The following CFAP65 variants were observed in gnomAD, a reference collection of about 807,000 sequenced individuals.
CFAP65 encodes cilia and flagella associated protein 65, also known as cilia- and flagella-associated protein 65.
CFAP65 carries 155 observed loss-of-function variants against 208.0 expected under a neutral mutation model. The ratio of observed to expected loss-of-function variants is 0.75; its 90% CI spans 0.65 to 0.85. The LOEUF is 0.85. Among genes scored for constraint, CFAP65 ranks in the 40% least tolerant of loss-of-function variants. CFAP65 has a pLI of 0.00. For synonymous variants in CFAP65, 970 were observed against 986.3 expected, an observed-to-expected ratio of 0.98 and a Z score of 0.31; for missense variants, 2,294 against 2,451.3, an observed-to-expected ratio of 0.94 and a Z score of 1.36.
intron 5 of CFAP65, chr2:219,035,007 C>T (rs1948264462): frequency 3.9e-6 from 1 of 258,740 alleles, no homozygotes. Context: ...AATTCTACTC[C>T]TGCGTCTATT....
chr2:219,022,067 C>G (rs1367371449), intron 17 of CFAP65, 104 bp downstream of exon 17: 3 of 1,508,142 alleles, frequency 2.0e-6, no homozygotes, highest in Non-Finnish European at 2.7e-6. Context: ...CTATCCTCTG[C>G]CCTCTTGGCC....
rs774646265 is a variant in CFAP65, at chr2:219,022,172, G to C, written c.2978C>G (p.Ser993Cys). ...LVGVGLTSSLSAKEKELAFGN... is the reference protein window; with the variant it reads ...LVGVGLTSSLCAKEKELAFGN... The stretch of plus-strand genomic sequence containing the variant: ...TCCTGCCAGAGCCCTCCCACTCACA[G>C]AGAGGCTGCTGGTGAGCCCAACGCC... The change falls in exon 17 of 35, where the codon TCT becomes TGT. Residue 993 changes from serine to cysteine, a missense_variant and splice_region_variant. This residue lies in a region of CFAP65 where 1,427 missense variants were observed against 1,438.7 expected (regional missense o/e 0.99). Coordinates refer to ENST00000341552, the MANE Select transcript of CFAP65 (RefSeq NM_194302.4). 2 of 1,589,462 alleles carry C rather than the reference G, an allele frequency of 1.3e-6. No homozygotes were observed. Among genetic ancestry groups the C allele is most frequent in the African/African-American group, 2.7e-5 (2 of 74,628 alleles).
rs140310053 is a variant in CFAP65, at chr2:219,038,477, G to A, written c.255C>T (p.Thr85=). Residue 85 remains threonine (T), a synonymous_variant, in exon 4 of 35, where the codon ACC becomes ACT. Transcript: ENST00000341552. The stretch of plus-strand genomic sequence containing the variant: ...TCAGGCAGGATCCACCAGAGTTCAC[G>A]GTGTGGTTCCTGCTGTTCCTGGACC... ...VVRSRNSRNH[T]VNSGGSCLSA... is the part of the protein sequence containing the mutation. 6 of 1,614,004 alleles carry A rather than the reference G, an allele frequency of 3.7e-6. No homozygotes were observed. The highest frequency in any genetic ancestry group is 1.1e-5 in the South Asian group (1 of 91,082).
At chr2:219,029,158 T>G (rs868153606) in intron 11 of CFAP65, among the ~76,000 whole-genome samples, 6 of 152,302 alleles carry the variant, frequency 3.9e-5, no homozygotes, top group Middle Eastern at 3.4e-3. Flanking sequence ...TCCCAGCCCA[T>G]GAGCACAGCA....
Position 219,032,995 on chromosome 2 carries a change from G to T in CFAP65, c.543-423C>A, listed in dbSNP as rs1948146704. 6.6e-6 allele frequency among the ~76,000 whole-genome samples: 1 copy of T among 152,148 alleles called. No individual in the cohort carries two copies. Among genetic ancestry groups the T allele is most frequent in the South Asian group, 2.1e-4 (1 of 4,832 alleles). On this transcript the variant is annotated intron_variant, in intron 5 of 34. Coordinates refer to ENST00000341552, the MANE Select transcript of CFAP65 (RefSeq NM_194302.4). The surrounding 1 kb of genome is among the most constrained non-coding windows in gnomAD (Gnocchi z 5.5). The stretch of plus-strand genomic sequence containing the variant: ...ACAGTGGGTCAGAACCACAGCTGCT[G>T]CAGACTTTCAAAACATTAATAAGAC...
At position 219,028,449 on chromosome 2, in the gene CFAP65, C is replaced by T. The variant is rs774190039; in HGVS notation, c.1651-48G>A. Reference sequence around the variant, plus strand: ...GTGGGGCATGGGAGGGGTGGTAGGGCAAGGGGGGTGCTGGGGGTTGAACTG... The same window carrying T: ...GTGGGGCATGGGAGGGGTGGTAGGGTAAGGGGGGTGCTGGGGGTTGAACTG... On this transcript the variant is annotated intron_variant, in intron 11 of 34. Transcript: ENST00000341552. 22 of 1,219,680 alleles carry T rather than the reference C, an allele frequency of 1.8e-5. No individual in the cohort carries two copies. The South Asian group carries it at 2.8e-4, about 16-fold the overall frequency. 75.6% of individuals were successfully genotyped at this position (1,219,680 alleles called of 1,614,324 possible).
chr2:219,004,597 C>T lies in CFAP65; in HGVS notation c.5052-142G>A. On this transcript the variant is annotated intron_variant, in intron 32 of 34. Coordinates refer to ENST00000341552, the MANE Select transcript of CFAP65 (RefSeq NM_194302.4). This position sits in a 1 kb window ranked among gnomAD's most constrained non-coding sequence, Gnocchi z 4.7. ...GCCCTTGGTCAGTTGTTCCTCCTGTCCCTTCTTTCAAGGAAGACATCTTTG... is the reference window on the plus strand; with the variant it reads ...GCCCTTGGTCAGTTGTTCCTCCTGTTCCTTCTTTCAAGGAAGACATCTTTG... The T allele has an allele frequency of 2.4e-6, 2 of 850,948 alleles. No individual in the cohort carries two copies. The highest frequency in any genetic ancestry group is 5.7e-5 in the Admixed American group (2 of 34,858). The allele number at this position is 850,948 out of a possible 1,614,324, so 52.7% of individuals were successfully genotyped here. A position where few individuals can be genotyped will look rare whatever the true frequency, so the allele number is the denominator to read the frequency against.
Position 219,019,555 on chromosome 2 carries a change from G to A in CFAP65, c.3424C>T (p.Arg1142Cys), listed in dbSNP as rs1422776785. The A allele has an allele frequency of 1.2e-5, 19 of 1,613,340 alleles. No individual in the cohort carries two copies. The highest frequency in any genetic ancestry group is 3.4e-4 in the Middle Eastern group (2 of 5,950). ...GTGAGCTCACAGGGGGTGGGGTCAC[G>A]CTCCAAGTAACTGTTAAGCAGGTCC... ...SLDLLNSYLE[R>C]DPTPCELTYK... Residue 1142 changes from arginine to cysteine, a missense_variant, in exon 20 of 35, where the codon CGT becomes TGT. Arg to Cys is a radical substitution (Grantham distance 180, BLOSUM62 -3). Coordinates refer to ENST00000341552, the MANE Select transcript of CFAP65 (RefSeq NM_194302.4).
intron 9 of CFAP65, 96 bp downstream of exon 9, chr2:219,030,593 A>G (rs7588702): frequency 0.12 from 177,570 of 1,486,046 alleles, 14,629 homozygotes; most frequent in African/African-American, 0.43. Context: ...GGCCAAAGGC[A>G]TGGAGAGAAA....
Position 219,031,092 on chromosome 2 carries a change from A to C in CFAP65, c.1015+14T>G, listed in dbSNP as rs374263801. 4.2e-4 allele frequency: 654 copies of C among 1,571,280 alleles called. No individual in the cohort carries two copies. Among genetic ancestry groups the C allele is most frequent in the Admixed American group, 7.1e-4 (38 of 53,300 alleles). ...GAGGGGCCAGTCTGGGGACGGTGGG[A>C]GGTTGGGCCTCACCCACAGCCTGCA... On this transcript the variant is annotated intron_variant, in intron 8 of 34. Coordinates refer to ENST00000341552, the MANE Select transcript of CFAP65 (RefSeq NM_194302.4). This position sits in a 1 kb window ranked among gnomAD's most constrained non-coding sequence, Gnocchi z 5.2.
At chr2:219,028,178 T>C (rs758111385) in intron 12 of CFAP65, 23 bp downstream of exon 12, 6 of 1,611,314 alleles carry the variant, frequency 3.7e-6, no homozygotes, top group Middle Eastern at 1.7e-4. Flanking sequence ...AGAAGGGATA[T>C]GCAGCTGGGG....
At chr2:219,013,736 C>A (rs1197073503) in intron 22 of CFAP65, 132 bp downstream of exon 22, 3 of 1,152,908 alleles carry the variant, frequency 2.6e-6, no homozygotes, top group South Asian at 1.3e-5. Flanking sequence ...GGAAATTAGA[C>A]CTCCTCTGCA....
At position 219,031,513 on chromosome 2, in the gene CFAP65, G is replaced by T. The variant is rs1277581893; in HGVS notation, c.791C>A (p.Ala264Asp). 1 of 1,614,166 alleles carries T rather than the reference G, an allele frequency of 6.2e-7. No homozygotes were observed. Among genetic ancestry groups the T allele is most frequent in the Non-Finnish European group, 8.5e-7 (1 of 1,180,020 alleles). Residue 264 changes from alanine (A) to aspartate (D), a missense_variant, in exon 7 of 35, where the codon GCC becomes GAC. Coordinates refer to ENST00000341552, the MANE Select transcript of CFAP65 (RefSeq NM_194302.4). This position sits in a 1 kb window ranked among gnomAD's most constrained non-coding sequence, Gnocchi z 5.2. ...CCCCACATTATCCAGGCAGAAAAAG[G>T]CCTCAGTCGTATCTCCCACAGCACA... ...PMCAVGDTTE[A>D]FFCLDNVGDL...
Position 219,031,642 on chromosome 2 carries a change from T to G in CFAP65, c.662A>C (p.Gln221Pro), listed in dbSNP as rs377439443. Residue 221 changes from glutamine to proline, a missense_variant, in exon 7 of 35, where the codon CAG (glutamine) becomes CCG (proline). Coordinates refer to ENST00000341552, the MANE Select transcript of CFAP65 (RefSeq NM_194302.4). The surrounding 1 kb of genome is among the most constrained non-coding windows in gnomAD (Gnocchi z 5.2). ...CCCCTCCGCTTTCTCAAACCACAGCTGGTCCATGTACTCCTTCTGCAGTGT... is the reference window on the plus strand; with the variant it reads ...CCCCTCCGCTTTCTCAAACCACAGCGGGTCCATGTACTCCTTCTGCAGTGT... ...RPLEAKEYMD[Q>P]LWFEKAEGMF... The G allele has an allele frequency of 6.2e-7, 1 of 1,611,456 alleles. No individual in the cohort carries two copies. Among genetic ancestry groups the G allele is most frequent in the Admixed American group, 1.7e-5 (1 of 59,886 alleles).
chr2:219,027,343 C>T (rs1044701048), intron 13 of CFAP65: 52 of 1,447,852 alleles, frequency 3.6e-5, no homozygotes, highest in Non-Finnish European at 4.5e-5. Context: ...GCTAGGAGGC[C>T]TCCTAGCCAG....
intron 4 of CFAP65, among the ~76,000 whole-genome samples, chr2:219,036,608 C>A (rs546225859): frequency 2.6e-5 from 4 of 152,102 alleles, no homozygotes; most frequent in African/African-American, 7.2e-5. Context: ...TCATGCCTGG[C>A]TGATTTTTGT....
Position 219,029,609 on chromosome 2 carries a change from G to T in CFAP65, c.1444C>A (p.Arg482Ser). 4 of 1,614,036 alleles carry T rather than the reference G, an allele frequency of 2.5e-6. No homozygotes were observed. Among genetic ancestry groups the T allele is most frequent in the African/African-American group, 1.3e-5 (1 of 74,990 alleles). The change falls in exon 11 of 35, where the codon CGC (arginine) becomes AGC (serine). Residue 482 changes from arginine to serine, a missense_variant. Arg to Ser is a moderately radical substitution (Grantham distance 110). Transcript: ENST00000341552. Reference sequence around the variant, plus strand: ...TCAATCCACAGGGGCTGCTCGGAGCGCTCCCCAAGGTTGACCCAGCTGAAG... The same window carrying T: ...TCAATCCACAGGGGCTGCTCGGAGCTCTCCCCAAGGTTGACCCAGCTGAAG... Reference protein sequence around the residue: ...VNFSWVNLGERSEQPLWIENQ... With the variant: ...VNFSWVNLGESSEQPLWIENQ...
intron 5 of CFAP65, among the ~76,000 whole-genome samples, chr2:219,033,431 A>C (rs570765789): frequency 5.9e-5 from 9 of 152,192 alleles, no homozygotes; most frequent in African/African-American, 2.2e-4. Context: ...AGCCATGTTA[A>C]TGCCACTATA....
In CFAP65 at chr2:219,013,342, G is replaced by A. The variant is rs747751033; in HGVS notation, c.3874C>T (p.Pro1292Ser). 1.2e-5 allele frequency: 19 copies of A among 1,613,608 alleles called. No individual in the cohort carries two copies. The East Asian group carries it at 4.0e-4, about 34-fold the overall frequency. Residue 1292 changes from proline to serine, a missense_variant, in exon 24 of 35, where the codon CCG becomes TCG. Physicochemically the swap from Pro to Ser is moderately conservative, Grantham distance 74. Coordinates refer to ENST00000341552, the MANE Select transcript of CFAP65 (RefSeq NM_194302.4). ...GTGAAGTGCACATACTTCTGCTCCGGCTTCACTGTCACACCTATGAAATTT... is the reference window on the plus strand; with the variant it reads ...GTGAAGTGCACATACTTCTGCTCCGACTTCACTGTCACACCTATGAAATTT... ...LLNFIGVTVK[P>S]EQKYVHFTST...
Sources: gnomAD v4.1 joint callset for allele counts (sites outside exome capture counted in the v4.1 genomes callset) on GRCh38, gnomAD v4.1.1 for gene constraint, gnomAD v4.1.1 regional missense constraint, Gnocchi (gnomAD v3.1) non-coding constraint, MANE v1.5 for transcripts, NCBI Gene and HGNC (gene_info 2026-07-23, HGNC 2026-07-21) for gene names.